ACTA2: variants seen among roughly 807,000 people sequenced by gnomAD.
The protein encoded by ACTA2 is actin, aortic smooth muscle.
ACTA2 carries 12 observed loss-of-function variants against 39.5 expected under a neutral mutation model. The ratio of observed to expected loss-of-function variants is 0.30; its 90% CI spans 0.19 to 0.49. The LOEUF is 0.49. Among genes scored for constraint, ACTA2 ranks in the 20% least tolerant of loss-of-function variants. ACTA2 has a pLI of 0.99. For synonymous variants in ACTA2, 158 were observed against 180.6 expected (o/e 0.88, Z 1.00); for missense variants, 236 against 498.8 (o/e 0.47, Z 5.02).
chr10:88,986,911 TA>T (rs148583273), intron 1 of ACTA2, among the ~76,000 whole-genome samples: 5,920 of 152,308 alleles, frequency 0.039, 156 homozygotes, highest in Middle Eastern at 0.061. Flanking sequence ...AAGTAAAAAT[TA>T]GTATTTATTG....
intron 1 of ACTA2, among the ~76,000 whole-genome samples, chr10:88,986,868 G>C (rs1839223761): frequency 6.6e-6 from 1 of 152,130 alleles, no homozygotes; most frequent in Non-Finnish European, 1.5e-5. Context: ...AATTTGTCTT[G>C]TGAAGTCACT....
At chr10:88,978,322 C>T (rs1460955864) in intron 1 of ACTA2, among the ~76,000 whole-genome samples, 62 of 148,920 alleles carry the variant, frequency 4.2e-4, no homozygotes, top group African/African-American at 1.0e-3. Context: ...GTGGGTGCAG[C>T]GCACCAGCAT....
At chr10:88,979,632 T>C (rs1284969600) in intron 1 of ACTA2, among the ~76,000 whole-genome samples, 1 of 152,032 alleles carries the variant, frequency 6.6e-6, no homozygotes, top group Non-Finnish European at 1.5e-5. Context: ...TTAACAAGTC[T>C]ACATAACCTG....
At chr10:88,973,412 C>G in intron 1 of ACTA2, 3 of 1,291,024 alleles carry the variant, frequency 2.3e-6, no homozygotes, top group Non-Finnish European at 3.0e-6. Flanking sequence ...ATGAAAACAA[C>G]TCTTTCTTGT....
At chr10:88,975,537 T>C (rs1177101122) in intron 1 of ACTA2, among the ~76,000 whole-genome samples, 3 of 152,080 alleles carry the variant, frequency 2.0e-5, no homozygotes, top group Non-Finnish European at 4.4e-5. Flanking sequence ...GGAAGGGGCA[T>C]GGAGAGCAAA....
intron 8 of ACTA2, 137 bp from the exon 9 acceptor site, chr10:88,935,503 C>A: frequency 1.1e-6 from 1 of 939,604 alleles, no homozygotes; most frequent in Middle Eastern, 2.1e-4. Flanking sequence ...TGTTAGATGC[C>A]AATTGTGTCC....
intron 1 of ACTA2, among the ~76,000 whole-genome samples, chr10:88,966,324 C>T (rs1051931871): frequency 6.6e-6 from 1 of 152,142 alleles, no homozygotes; most frequent in Non-Finnish European, 1.5e-5. Flanking sequence ...GATTTATAGA[C>T]AGGGAAGGGG....
intron 1 of ACTA2, among the ~76,000 whole-genome samples, chr10:88,975,911 G>A (rs1846550944): frequency 6.6e-6 from 1 of 152,142 alleles, no homozygotes; most frequent in Non-Finnish European, 1.5e-5. Context: ...TATGCAGTGA[G>A]ATTAATAGAA....
At chr10:88,955,347 T>C (rs1295944954), upstream of ACTA2, among the ~76,000 whole-genome samples, 1 of 152,264 alleles carries the variant, frequency 6.6e-6, no homozygotes, top group Non-Finnish European at 1.5e-5. Context: ...GAAATTGTTT[T>C]TTTCTAGACT....
chr10:88,963,355 C>A (rs1846268222), intron 1 of ACTA2, among the ~76,000 whole-genome samples: 1 of 151,732 alleles, frequency 6.6e-6, no homozygotes, highest in South Asian at 2.1e-4. Flanking sequence ...TACCATGTCC[C>A]CAAGTATAGT....
At chr10:88,961,424 G>A (rs1013568098) in intron 1 of ACTA2, among the ~76,000 whole-genome samples, 1 of 152,192 alleles carries the variant, frequency 6.6e-6, no homozygotes, top group Non-Finnish European at 1.5e-5. Context: ...TCTTGATATA[G>A]TATGAGTGAC....
Position 88,947,377 on chromosome 10 carries a change from C to A in ACTA2, c.139G>T (p.Val47Leu), listed in dbSNP as rs1181233032. ...VGRPRHQGVMVGMGQKDSYVG... is the reference protein window; with the variant it reads ...VGRPRHQGVMLGMGQKDSYVG... ...TAGCTGTCTTTTTGTCCCATTCCCA[C>A]CATCACCCCCTAAAAAGGTTCAACA... Residue 47 changes from valine (V) to leucine (L), a missense_variant, in exon 3 of 9, where the codon GTG (valine) becomes TTG (leucine). Transcript: ENST00000224784. The A allele has an allele frequency of 6.2e-7, 1 of 1,613,968 alleles. No homozygotes were observed. The highest frequency in any genetic ancestry group is 1.7e-5 in the Admixed American group (1 of 60,016).
Position 88,943,778 on chromosome 10 carries a change from G to T in ACTA2, c.369+19C>A, listed in dbSNP as rs767837537. ...TTCCCCAGACCCCACAGTGTTGTGTGCTGGGGTAGCATACTTACTTGAGTC... is the reference window on the plus strand; with the variant it reads ...TTCCCCAGACCCCACAGTGTTGTGTTCTGGGGTAGCATACTTACTTGAGTC... On this transcript the variant is annotated intron_variant, in intron 4 of 8. Coordinates refer to ENST00000224784, the MANE Select transcript of ACTA2 (RefSeq NM_001613.4). The T allele has an allele frequency of 8.8e-6, 14 of 1,582,200 alleles. No homozygotes were observed. Among genetic ancestry groups the T allele is most frequent in the African/African-American group, 1.3e-5 (1 of 74,262 alleles).
chr10:88,962,065 G>A (rs1357494963), intron 1 of ACTA2, among the ~76,000 whole-genome samples: 2 of 152,096 alleles, frequency 1.3e-5, no homozygotes, highest in African/African-American at 4.8e-5. Context: ...TGACTGAAAA[G>A]GCCAAGTGGT....
upstream of ACTA2, among the ~76,000 whole-genome samples, chr10:88,954,927 A>G (rs180940455): frequency 3.3e-5 from 5 of 151,530 alleles, no homozygotes; most frequent in Middle Eastern, 3.4e-3. Context: ...GTGCAAAGAT[A>G]TCTCCAGCCA....
intron 1 of ACTA2, among the ~76,000 whole-genome samples, chr10:88,988,906 A>C (rs993490489): frequency 6.6e-6 from 1 of 152,358 alleles, no homozygotes; most frequent in East Asian, 1.9e-4. Context: ...TTATTTGACC[A>C]TGAAACATAT....
chr10:88,982,039 G>A (rs1846724688), intron 1 of ACTA2, among the ~76,000 whole-genome samples: 1 of 152,212 alleles, frequency 6.6e-6, no homozygotes, highest in Admixed American at 6.5e-5. Flanking sequence ...AACACATAGT[G>A]AGTGCTTGAT....
intron 1 of ACTA2, among the ~76,000 whole-genome samples, chr10:88,966,791 A>C (rs568155323): frequency 2.0e-5 from 3 of 152,322 alleles, no homozygotes; most frequent in Admixed American, 2.0e-4. Flanking sequence ...ATGTTTTGAA[A>C]ACTATTAAGT....
intron 1 of ACTA2, chr10:88,989,492 C>A (rs772573705): frequency 1.8e-5 from 10 of 543,980 alleles, no homozygotes; most frequent in Non-Finnish European, 3.6e-5. Flanking sequence ...GTGCACAAGG[C>A]TGGCACGCCC....
Sources: gnomAD v4.1 joint callset for allele counts (sites outside exome capture counted in the v4.1 genomes callset) on GRCh38, gnomAD v4.1.1 for gene constraint, MANE v1.5 for transcripts, NCBI Gene and HGNC (gene_info 2026-07-23, HGNC 2026-07-21) for gene names.